The following SUGCT variants were observed in gnomAD, a reference collection of about 807,000 sequenced individuals.
SUGCT encodes succinyl-CoA:glutarate CoA-transferase.
In SUGCT, 41 loss-of-function variants were observed where a neutral mutation model predicts 55.0. The ratio of observed to expected loss-of-function variants is 0.74; its 90% CI spans 0.58 to 0.97. The LOEUF is 0.97. Ranked by LOEUF, SUGCT falls within the 50% of genes least tolerant of loss-of-function variation. The probability of loss-of-function intolerance (pLI) is 0.00; values close to 1 mark genes in which losing one functional copy is unlikely to be tolerated. For missense variants in SUGCT, 568 were observed against 547.8 expected (o/e 1.04, Z -0.37); for synonymous variants, 187 against 200.4 (o/e 0.93, Z 0.56).
intron 9 of SUGCT, among the ~76,000 whole-genome samples, chr7:40,341,035 G>A (rs1407419870): frequency 6.6e-6 from 1 of 152,112 alleles, no homozygotes; most frequent in African/African-American, 2.4e-5. Flanking sequence ...CATTATGAGG[G>A]TCTGAAGAAA....
intron 6 of SUGCT, among the ~76,000 whole-genome samples, chr7:40,213,586 C>A (rs757006091): frequency 6.6e-6 from 1 of 152,154 alleles, no homozygotes; most frequent in African/African-American, 2.4e-5. Context: ...TCTTGGAACT[C>A]AAGTTCAGCC....
intron 12 of SUGCT, among the ~76,000 whole-genome samples, chr7:40,670,406 T>G (rs1801880985): frequency 6.6e-6 from 1 of 151,994 alleles, no homozygotes; most frequent in African/African-American, 2.4e-5. Flanking sequence ...TTGACAAACC[T>G]TTTCAAAGAC....
intron 12 of SUGCT, among the ~76,000 whole-genome samples, chr7:40,682,663 CTTTGT>C (rs1393782065): frequency 6.6e-6 from 1 of 152,076 alleles, no homozygotes; most frequent in Non-Finnish European, 1.5e-5. Flanking sequence ...AAGAAAAACA[CTTTGT>C]TTTTTTTCTA....
At chr7:40,562,255 C>T (rs1005990454) in intron 12 of SUGCT, among the ~76,000 whole-genome samples, 5 of 147,846 alleles carry the variant, frequency 3.4e-5, no homozygotes, top group African/African-American at 1.0e-4. Flanking sequence ...GTCGAGATCG[C>T]GTGACTGCAC....
intron 8 of SUGCT, among the ~76,000 whole-genome samples, chr7:40,276,402 C>G (rs773891383): frequency 6.6e-6 from 1 of 152,268 alleles, no homozygotes; most frequent in African/African-American, 2.4e-5. Context: ...TCTGTGCAGT[C>G]ATGGGTAGCC....
intron 6 of SUGCT, among the ~76,000 whole-genome samples, chr7:40,202,536 A>C (rs1452128913): frequency 6.6e-6 from 1 of 151,776 alleles, no homozygotes; most frequent in Non-Finnish European, 1.5e-5. Context: ...ATCTTTTCCT[A>C]TTGTTAGCTG....
chr7:40,893,583 G>A, the SUGCT span, among the ~76,000 whole-genome samples: 1 of 152,114 alleles, frequency 6.6e-6, no homozygotes, highest in African/African-American at 2.4e-5. Flanking sequence ...TAAAGAGCAT[G>A]CTAGTGAACA....
intron 13 of SUGCT, among the ~76,000 whole-genome samples, chr7:40,816,197 G>T (rs1349155206): frequency 6.6e-6 from 1 of 152,212 alleles, no homozygotes; most frequent in Non-Finnish European, 1.5e-5. Context: ...CCACTCCAAA[G>T]CAAGTCTTGC....
chr7:41,029,015 G>C, the SUGCT span, among the ~76,000 whole-genome samples: 5 of 152,198 alleles, frequency 3.3e-5, no homozygotes, highest in African/African-American at 7.2e-5. Flanking sequence ...TTTTTGGCAT[G>C]TCTTTCAGAC....
chr7:40,275,486 G>A (rs927891419), intron 8 of SUGCT, among the ~76,000 whole-genome samples: 1 of 152,030 alleles, frequency 6.6e-6, no homozygotes, highest in Non-Finnish European at 1.5e-5. Flanking sequence ...CTAATAGTGG[G>A]TGTAACACTA....
the SUGCT span, among the ~76,000 whole-genome samples, chr7:40,930,011 A>G: frequency 6.6e-6 from 1 of 152,100 alleles, no homozygotes; most frequent in Non-Finnish European, 1.5e-5. Flanking sequence ...TATGTCCTGA[A>G]TGGTATTGCC....
chr7:40,284,847 A>G (rs1793212654), intron 8 of SUGCT, among the ~76,000 whole-genome samples: 1 of 152,230 alleles, frequency 6.6e-6, no homozygotes, highest in Non-Finnish European at 1.5e-5. Flanking sequence ...CCAAAGAAGT[A>G]ATGCTATTGG....
intron 7 of SUGCT, among the ~76,000 whole-genome samples, chr7:40,261,225 G>A (rs934266581): frequency 6.6e-6 from 1 of 152,106 alleles, no homozygotes; most frequent in South Asian, 2.1e-4. Context: ...ATTATTCATA[G>A]AACAATGAAT....
At chr7:40,160,015 A>G (rs1173162184) in intron 1 of SUGCT, among the ~76,000 whole-genome samples, 1 of 152,156 alleles carries the variant, frequency 6.6e-6, no homozygotes, top group Non-Finnish European at 1.5e-5. Flanking sequence ...AGAGCAAAAG[A>G]ACATAAGCAG....
At chr7:40,139,909 C>CT (rs1014096424) in intron 1 of SUGCT, among the ~76,000 whole-genome samples, 5 of 148,228 alleles carry the variant, frequency 3.4e-5, no homozygotes, top group African/African-American at 4.9e-5. Flanking sequence ...TTTTTTCTTT[C>CT]TTTTTTTTTT....
chr7:40,140,088 G>T (rs1486984924), intron 1 of SUGCT, among the ~76,000 whole-genome samples: 2 of 151,970 alleles, frequency 1.3e-5, no homozygotes, highest in Non-Finnish European at 2.9e-5. Context: ...GTGTTTAGTA[G>T]AGACAGGGTT....
the SUGCT span, among the ~76,000 whole-genome samples, chr7:40,895,477 G>GA: frequency 6.6e-6 from 1 of 151,874 alleles, no homozygotes. Flanking sequence ...ACAAAAAATT[G>GA]AAAAAAGAAT....
At chr7:40,993,117 T>A in the SUGCT span, among the ~76,000 whole-genome samples, 1 of 152,190 alleles carries the variant, frequency 6.6e-6, no homozygotes, top group Non-Finnish European at 1.5e-5. Flanking sequence ...AGTTTCTGTT[T>A]CTAACTAGCC....
intron 12 of SUGCT, among the ~76,000 whole-genome samples, chr7:40,745,610 A>G (rs1464277675): frequency 6.6e-6 from 1 of 152,176 alleles, no homozygotes; most frequent in East Asian, 1.9e-4. Flanking sequence ...CTACAATTCT[A>G]TTCTTGTCAA....
Sources: allele counts gnomAD v4.1 joint callset (sites outside exome capture counted in the v4.1 genomes callset), GRCh38; gene constraint gnomAD v4.1.1; transcripts MANE v1.5; gene names NCBI Gene and HGNC (gene_info 2026-07-23, HGNC 2026-07-21).